The following MBOAT2 variants were observed in gnomAD, a reference collection of about 807,000 sequenced individuals.
The protein encoded by MBOAT2 is membrane bound glycerophospholipid O-acyltransferase 2.
A neutral mutation model predicts 63.4 loss-of-function variants in MBOAT2; 28 were observed. The ratio of observed to expected loss-of-function variants is 0.44; its 90% CI spans 0.33 to 0.61. The LOEUF (loss-of-function observed/expected upper bound fraction) is 0.61, where lower values mean the gene tolerates loss of function less well. MBOAT2 is among the 20% of genes least tolerant of loss of function. The pLI is 0.03. For synonymous variants in MBOAT2, 211 were observed against 215.6 expected, an observed-to-expected ratio of 0.98 and a Z score of 0.19; for missense variants, 470 against 605.8, an observed-to-expected ratio of 0.78 and a Z score of 2.35.
chr2:8,956,605 A>T (rs1669243765), intron 2 of MBOAT2, among the ~76,000 whole-genome samples: 1 of 152,142 alleles, frequency 6.6e-6, no homozygotes, highest in Admixed American at 6.5e-5. Context: ...AGGTGGGAGG[A>T]TCAATCACCT....
intron 3 of MBOAT2, among the ~76,000 whole-genome samples, chr2:8,923,360 T>C (rs1666717864): frequency 6.6e-6 from 1 of 152,092 alleles, no homozygotes; most frequent in African/African-American, 2.4e-5. Context: ...TTTTTCAGAG[T>C]AGCACTTTGG....
chr2:8,901,106 T>C (rs1004032103), intron 4 of MBOAT2, among the ~76,000 whole-genome samples: 3 of 150,940 alleles, frequency 2.0e-5, no homozygotes, highest in Non-Finnish European at 4.4e-5. Context: ...GGAATAGTTG[T>C]GCTCACTGAT....
At chr2:8,963,325 G>A (rs999715330) in intron 1 of MBOAT2, among the ~76,000 whole-genome samples, 3 of 151,740 alleles carry the variant, frequency 2.0e-5, no homozygotes, top group Admixed American at 2.0e-4. Flanking sequence ...TTTTCTTTGA[G>A]ACAATTTTGC....
chr2:8,974,373 C>G (rs1273603353), intron 1 of MBOAT2: 1 of 456,310 alleles, frequency 2.2e-6, no homozygotes, highest in Non-Finnish European at 4.4e-6. Context: ...CGCCTGTGGA[C>G]TCTGCCAGGT....
intron 3 of MBOAT2, among the ~76,000 whole-genome samples, chr2:8,934,185 G>A (rs1667507069): frequency 6.6e-6 from 1 of 152,122 alleles, no homozygotes; most frequent in Admixed American, 6.5e-5. Flanking sequence ...TATGCCAAAA[G>A]GCAACCACAT....
At chr2:8,881,937 T>C (rs559183224) in intron 6 of MBOAT2, among the ~76,000 whole-genome samples, 4 of 152,372 alleles carry the variant, frequency 2.6e-5, no homozygotes, top group South Asian at 2.1e-4. Flanking sequence ...TCTCAAATTA[T>C]ATTAGTTGAG....
At chr2:8,965,303 T>C (rs925173735) in intron 1 of MBOAT2, among the ~76,000 whole-genome samples, 6 of 152,304 alleles carry the variant, frequency 3.9e-5, no homozygotes, top group African/African-American at 1.2e-4. Context: ...GTGCTAACAT[T>C]TTCCATTCCT....
At chr2:8,921,980 C>A (rs1449291012) in intron 3 of MBOAT2, among the ~76,000 whole-genome samples, 1 of 152,178 alleles carries the variant, frequency 6.6e-6, no homozygotes, top group Non-Finnish European at 1.5e-5. Context: ...TCTCTCTCCC[C>A]TCTCTTTTGG....
At chr2:8,951,195 T>C (rs1207641054) in intron 2 of MBOAT2, among the ~76,000 whole-genome samples, 1 of 149,526 alleles carries the variant, frequency 6.7e-6, no homozygotes, top group Non-Finnish European at 1.5e-5. Flanking sequence ...TTCAGTAGAA[T>C]ACTGGTACCA....
In MBOAT2 at chr2:8,902,036, C is replaced by T. The variant is rs577239029; in HGVS notation, c.395+6585G>A. On this transcript the variant is annotated intron_variant, in intron 4 of 12. Coordinates refer to ENST00000305997, the MANE Select transcript of MBOAT2 (RefSeq NM_138799.4). ...GTCAACCAACTTGTTGTCGGGACCCCGGAGCTGAATGGCTTTCCTCTCTGT... is the reference window on the plus strand; with the variant it reads ...GTCAACCAACTTGTTGTCGGGACCCTGGAGCTGAATGGCTTTCCTCTCTGT... Among the ~76,000 whole-genome samples the T allele has an allele frequency of 1.6e-4, 24 of 152,256 alleles. No individual in the cohort carries two copies. The South Asian group carries it at 4.8e-3, about 30-fold the overall frequency.
chr2:8,988,403 G>A (rs1440986644), intron 1 of MBOAT2, among the ~76,000 whole-genome samples: 1 of 152,170 alleles, frequency 6.6e-6, no homozygotes, highest in Non-Finnish European at 1.5e-5. Context: ...ACCTTGGGGT[G>A]TAAAGAATAA....
At chr2:8,867,048 A>G (rs1661949281) in intron 9 of MBOAT2, among the ~76,000 whole-genome samples, 1 of 152,114 alleles carries the variant, frequency 6.6e-6, no homozygotes, top group Non-Finnish European at 1.5e-5. Flanking sequence ...CAGGCTAGCA[A>G]AACAATGGTT....
intron 4 of MBOAT2, among the ~76,000 whole-genome samples, chr2:8,900,431 T>A (rs1664828186): frequency 6.6e-6 from 1 of 152,216 alleles, no homozygotes; most frequent in South Asian, 2.1e-4. Flanking sequence ...GACATCTATG[T>A]ACCTATCAGG....
intron 3 of MBOAT2, among the ~76,000 whole-genome samples, chr2:8,929,419 T>C (rs1667160829): frequency 1.3e-5 from 2 of 152,236 alleles, no homozygotes; most frequent in Admixed American, 6.5e-5. Context: ...TGGCACGATC[T>C]CAGCTTACTG....
At chr2:8,886,216 G>A (rs1032548786) in intron 5 of MBOAT2, among the ~76,000 whole-genome samples, 15 of 152,250 alleles carry the variant, frequency 9.9e-5, no homozygotes, top group African/African-American at 3.4e-4. Context: ...GTTGCTGGGG[G>A]AAATAAGTCC....
At chr2:8,961,151 G>T (rs1669576365) in intron 1 of MBOAT2, among the ~76,000 whole-genome samples, 1 of 152,192 alleles carries the variant, frequency 6.6e-6, no homozygotes, top group African/African-American at 2.4e-5. Context: ...CCACTCAATA[G>T]AAAACTGGGC....
chr2:8,856,227 G>C lies in MBOAT2; in HGVS notation c.*2452C>G, dbSNP rs1661069608. 6.6e-6 allele frequency: 1 copy of C among 151,984 alleles called. No individual in the cohort carries two copies. The highest frequency in any genetic ancestry group is 1.5e-5 in the Non-Finnish European group (1 of 68,006). The allele number at this position is 151,984 out of a possible 1,614,324, so 9.4% of individuals were successfully genotyped here. Reference sequence around the variant, plus strand: ...CACTGAGCAAGAAACAGGTAACAGTGACTAAGGTTTACAGGCTGAGAAATA... The same window carrying C: ...CACTGAGCAAGAAACAGGTAACAGTCACTAAGGTTTACAGGCTGAGAAATA... On this transcript the variant is annotated 3_prime_UTR_variant, in exon 13 of 13. Transcript: ENST00000305997. The surrounding 1 kb of genome is among the most constrained non-coding windows in gnomAD (Gnocchi z 4.2).
intron 1 of MBOAT2, among the ~76,000 whole-genome samples, chr2:8,978,439 CTTAT>C (rs961482136): frequency 2.0e-4 from 30 of 152,120 alleles, no homozygotes; most frequent in Non-Finnish European, 4.1e-4. Context: ...AACAATTTTA[CTTAT>C]TTATTATATT....
At chr2:8,954,897 G>GT (rs1374133807) in intron 2 of MBOAT2, among the ~76,000 whole-genome samples, 1 of 152,214 alleles carries the variant, frequency 6.6e-6, no homozygotes, top group Non-Finnish European at 1.5e-5. Flanking sequence ...TCATACCACA[G>GT]TATCAGTAGA....
Sources: gnomAD v4.1 joint callset for allele counts (sites outside exome capture counted in the v4.1 genomes callset) on GRCh38, gnomAD v4.1.1 for gene constraint, Gnocchi (gnomAD v3.1) non-coding constraint, MANE v1.5 for transcripts, NCBI Gene and HGNC (gene_info 2026-07-23, HGNC 2026-07-21) for gene names.